PCSK5: variants seen among roughly 807,000 people sequenced by gnomAD.
The protein encoded by PCSK5 is prohormone convertase 5.
PCSK5 carries 129 observed loss-of-function variants against 233.2 expected under a neutral mutation model. The ratio of observed to expected loss-of-function variants is 0.55; its 90% confidence interval spans 0.48 to 0.64. PCSK5 has a LOEUF of 0.64. Ranked by LOEUF, PCSK5 falls within the 30% of genes least tolerant of loss-of-function variation. The pLI is 0.00. For missense variants in PCSK5, 2,076 were observed against 2,430.1 expected (o/e 0.85, Z 3.06); for synonymous variants, 825 against 879.2 (o/e 0.94, Z 1.09).
At chr9:76,029,140 T>C (rs1188589542) in intron 5 of PCSK5, among the ~76,000 whole-genome samples, 2 of 152,156 alleles carry the variant, frequency 1.3e-5, no homozygotes, top group Non-Finnish European at 2.9e-5. Context: ...GTCTGAGCTG[T>C]CTGACCATAC....
intron 35 of PCSK5, among the ~76,000 whole-genome samples, chr9:76,345,211 T>TTTTAC (rs1829944885): frequency 1.3e-5 from 2 of 151,674 alleles, no homozygotes; most frequent in African/African-American, 4.9e-5. Context: ...TTTTATTTTA[T>TTTTAC]TTTACTTTAT....
chr9:76,282,821 T>C (rs1469240070), intron 24 of PCSK5, among the ~76,000 whole-genome samples: 2 of 152,174 alleles, frequency 1.3e-5, no homozygotes, highest in Non-Finnish European at 2.9e-5. Flanking sequence ...TTCATGTCCA[T>C]GGGATTCACC....
intron 10 of PCSK5, among the ~76,000 whole-genome samples, chr9:76,154,364 G>T (rs1036787965): frequency 1.3e-5 from 2 of 152,176 alleles, no homozygotes; most frequent in African/African-American, 4.8e-5. Flanking sequence ...TGGTTAACAG[G>T]CATGAAGTGT....
intron 5 of PCSK5, among the ~76,000 whole-genome samples, chr9:76,046,200 C>T (rs142883241): frequency 0.035 from 2,586 of 73,900 alleles, 111 homozygotes; most frequent in African/African-American, 0.12. Flanking sequence ...TTTTTTGAGA[C>T]GGAGTCTCGC....
rs1273304769 is a variant in PCSK5, at chr9:76,354,177, C to T, written c.5212C>T (p.Pro1738Ser). The change falls in exon 37 of 38, where the codon CCC becomes TCC. Residue 1738 changes from proline to serine, a missense_variant. Around this residue, in one of 6 missense-constraint regions of PCSK5, gnomAD observed 1,510 missense variants for 1,538.1 expected, o/e 0.98. Transcript: ENST00000674117. ...HCLHCCNTSD[P>S]PSAQECCDCQ... is the part of the protein sequence containing the mutation. ...CCTCCACTGCTGCAACACCTCTGAT[C>T]CCCCCAGTGCCCAGGAGTGCTGTGA... The T allele has an allele frequency of 3.1e-6, 5 of 1,587,916 alleles. No homozygotes were observed. In the African/African-American group the frequency reaches 4.0e-5, roughly 13 times the overall value.
At chr9:76,043,084 C>A (rs868603937) in intron 5 of PCSK5, among the ~76,000 whole-genome samples, 1 of 152,112 alleles carries the variant, frequency 6.6e-6, no homozygotes, top group African/African-American at 2.4e-5. Context: ...CCGTCGCTCA[C>A]GCCTGTAATC....
intron 11 of PCSK5, 106 bp from the exon 12 acceptor site, chr9:76,158,877 T>C: frequency 5.5e-6 from 5 of 908,312 alleles, no homozygotes; most frequent in Non-Finnish European, 8.7e-6. Flanking sequence ...AGTATCCAGC[T>C]ATCAGCTGCT....
intron 24 of PCSK5, among the ~76,000 whole-genome samples, chr9:76,249,612 G>A (rs1826736803): frequency 6.6e-6 from 1 of 152,182 alleles, no homozygotes; most frequent in Non-Finnish European, 1.5e-5. Context: ...CAATACCAAG[G>A]CTCCTTAGAG....
At chr9:76,115,358 T>G (rs1234317214) in intron 9 of PCSK5, among the ~76,000 whole-genome samples, 1 of 152,102 alleles carries the variant, frequency 6.6e-6, no homozygotes, top group East Asian at 1.9e-4. Context: ...TTTAAAAAAG[T>G]AAAAGAAAAC....
intron 3 of PCSK5, among the ~76,000 whole-genome samples, chr9:75,994,526 G>C (rs556869494): frequency 4.9e-4 from 71 of 144,306 alleles, no homozygotes; most frequent in African/African-American, 1.7e-3. Context: ...CTGGGTTCAT[G>C]CAATTCTCCT....
chr9:75,954,533 C>T (rs540126058), intron 2 of PCSK5, among the ~76,000 whole-genome samples: 25 of 152,150 alleles, frequency 1.6e-4, no homozygotes, highest in Non-Finnish European at 2.9e-4. Context: ...TGTGCCTTGA[C>T]TTCTTTTAAG....
intron 1 of PCSK5, among the ~76,000 whole-genome samples, chr9:75,930,514 A>G (rs189627293): frequency 6.6e-6 from 1 of 152,332 alleles, no homozygotes; most frequent in Admixed American, 6.5e-5. Context: ...TTTACTTTTA[A>G]AAACTATATT....
At chr9:76,071,617 A>T in intron 6 of PCSK5, 109 bp from the exon 7 acceptor site, 2 of 885,000 alleles carry the variant, frequency 2.3e-6, no homozygotes, top group Non-Finnish European at 3.5e-6. Context: ...ATGCTCACTT[A>T]AGTGTTGATT....
At chr9:76,004,577 C>A (rs1827399014) in intron 3 of PCSK5, among the ~76,000 whole-genome samples, 1 of 152,178 alleles carries the variant, frequency 6.6e-6, no homozygotes, top group Admixed American at 6.5e-5. Flanking sequence ...ATCATTACAT[C>A]AGTGCTTGCG....
chr9:76,132,678 A>G (rs569782871), intron 9 of PCSK5, among the ~76,000 whole-genome samples: 204 of 152,224 alleles, frequency 1.3e-3, no homozygotes, highest in African/African-American at 4.8e-3. Context: ...CCACTTCTTA[A>G]TAGCTTCTTA....
At chr9:75,943,551 T>C (rs1824416837) in intron 2 of PCSK5, among the ~76,000 whole-genome samples, 1 of 152,116 alleles carries the variant, frequency 6.6e-6, no homozygotes, top group South Asian at 2.1e-4. Flanking sequence ...AAATCTTATT[T>C]GTATACTGAG....
intron 22 of PCSK5, 99 bp from the exon 23 acceptor site, chr9:76,238,860 T>C: frequency 2.3e-6 from 2 of 871,850 alleles, no homozygotes; most frequent in Admixed American, 2.3e-5. Context: ...AAAAAAGCAC[T>C]CAGTCGCATC....
intron 33 of PCSK5, among the ~76,000 whole-genome samples, chr9:76,329,551 T>G (rs1829466649): frequency 6.6e-6 from 1 of 151,996 alleles, no homozygotes; most frequent in African/African-American, 2.4e-5. Flanking sequence ...AAATACAGTC[T>G]TGGCTGGGCA....
intron 12 of PCSK5, among the ~76,000 whole-genome samples, chr9:76,168,072 T>C (rs1823162562): frequency 6.6e-6 from 1 of 152,238 alleles, no homozygotes; most frequent in Non-Finnish European, 1.5e-5. Flanking sequence ...CTATGTAGGT[T>C]TCATCTTTAC....
Sources: allele counts gnomAD v4.1 joint callset (sites outside exome capture counted in the v4.1 genomes callset), GRCh38; gene constraint gnomAD v4.1.1; regional missense constraint gnomAD v4.1.1; transcripts MANE v1.5; gene names NCBI Gene and HGNC (gene_info 2026-07-23, HGNC 2026-07-21).